Variants in LUZP2 observed in about 807,000 individuals in gnomAD.
LUZP2 encodes leucine zipper protein 2.
LUZP2 carries 52 observed loss-of-function variants against 51.6 expected under a neutral mutation model. The ratio of observed to expected loss-of-function variants is 1.01; its 90% confidence interval spans 0.81 to 1.27. The LOEUF (loss-of-function observed/expected upper bound fraction) is 1.27. Ranked by LOEUF, LUZP2 falls within the 50% of genes most tolerant of loss-of-function variation. The pLI is 0.00. For missense variants in LUZP2, 436 were observed against 395.4 expected, an observed-to-expected ratio of 1.10 and a Z score of -0.87; for synonymous variants, 154 against 137.3, an observed-to-expected ratio of 1.12 and a Z score of -0.85.
intron 1 of LUZP2, among the ~76,000 whole-genome samples, chr11:24,693,967 G>A (rs973715971): frequency 6.6e-6 from 1 of 151,976 alleles, no homozygotes; most frequent in Admixed American, 6.6e-5. Flanking sequence ...TATTTAGGAT[G>A]AGGAAAAAGA....
At chr11:24,734,821 A>T (rs1258508614) in intron 3 of LUZP2, among the ~76,000 whole-genome samples, 1 of 151,920 alleles carries the variant, frequency 6.6e-6, no homozygotes, top group African/African-American at 2.4e-5. Flanking sequence ...TCCGAGTTTG[A>T]AAGAGTGCAG....
intron 9 of LUZP2, among the ~76,000 whole-genome samples, chr11:25,031,958 C>G (rs1004195939): frequency 6.6e-6 from 1 of 151,994 alleles, no homozygotes; most frequent in African/African-American, 2.4e-5. Context: ...AAATAATACC[C>G]TAGATTTTCT....
chr11:24,589,529 G>C (rs1396529160), intron 1 of LUZP2, among the ~76,000 whole-genome samples: 1 of 152,072 alleles, frequency 6.6e-6, no homozygotes, highest in Non-Finnish European at 1.5e-5. Flanking sequence ...TTAGTTTATT[G>C]CTAAGGCAGA....
intron 1 of LUZP2, among the ~76,000 whole-genome samples, chr11:24,618,812 C>A (rs2133901505): frequency 6.6e-6 from 1 of 152,082 alleles, no homozygotes; most frequent in South Asian, 2.1e-4. Context: ...GACCTCTATG[C>A]CAATGTTTTG....
chr11:24,726,094 T>C (rs1858466318), intron 1 of LUZP2, among the ~76,000 whole-genome samples: 1 of 152,148 alleles, frequency 6.6e-6, no homozygotes, highest in Non-Finnish European at 1.5e-5. Flanking sequence ...TACTTTGTTA[T>C]GGAAGCCCTA....
intron 1 of LUZP2, among the ~76,000 whole-genome samples, chr11:24,694,020 A>C (rs1857161330): frequency 6.6e-6 from 1 of 152,074 alleles, no homozygotes; most frequent in Admixed American, 6.6e-5. Context: ...AAAATGCAAA[A>C]TTCAGAGAGC....
chr11:24,770,899 G>T (rs142666354), intron 5 of LUZP2, among the ~76,000 whole-genome samples: 10 of 152,186 alleles, frequency 6.6e-5, no homozygotes, highest in African/African-American at 2.4e-4. Context: ...CACTACCTCC[G>T]CCTGAATCAG....
chr11:24,515,596 A>T (rs2133786962), intron 1 of LUZP2, among the ~76,000 whole-genome samples: 1 of 152,298 alleles, frequency 6.6e-6, no homozygotes, highest in Non-Finnish European at 1.5e-5. Context: ...GTAAGGTGTC[A>T]CAGAAGTAAT....
At chr11:25,075,415 T>C (rs942692112) in intron 10 of LUZP2, among the ~76,000 whole-genome samples, 18 of 152,198 alleles carry the variant, frequency 1.2e-4, no homozygotes, top group African/African-American at 2.4e-5. Flanking sequence ...TTCTAAAGTA[T>C]TGAACTATTT....
intron 7 of LUZP2, among the ~76,000 whole-genome samples, chr11:24,966,877 T>C (rs1264611265): frequency 2.7e-5 from 4 of 147,714 alleles, no homozygotes; most frequent in African/African-American, 9.8e-5. Flanking sequence ...TGTGTGCATG[T>C]GTAAAGTATG....
At chr11:24,923,500 C>T (rs1187650357) in intron 7 of LUZP2, among the ~76,000 whole-genome samples, 1 of 151,928 alleles carries the variant, frequency 6.6e-6, no homozygotes, top group African/African-American at 2.4e-5. Flanking sequence ...AGATTGAGAC[C>T]ATCCTGGTCA....
intron 8 of LUZP2, among the ~76,000 whole-genome samples, chr11:24,982,436 G>C (rs1347654903): frequency 6.6e-6 from 1 of 151,836 alleles, no homozygotes; most frequent in Admixed American, 6.6e-5. Flanking sequence ...CCATAAAAAA[G>C]AATGAGATCA....
At chr11:24,575,912 C>G (rs973836282) in intron 1 of LUZP2, among the ~76,000 whole-genome samples, 1 of 151,994 alleles carries the variant, frequency 6.6e-6, no homozygotes, top group African/African-American at 2.4e-5. Context: ...CCCTGTAATA[C>G]TCTAGAAGTT....
At chr11:24,786,698 T>TGTATATTATGTATTTATGTATAAATAG (rs1849258187) in intron 5 of LUZP2, 1 of 131,182 alleles carries the variant, frequency 7.6e-6, no homozygotes, top group Non-Finnish European at 1.6e-5. Context: ...TATATAAATA[T>TGTATATTATGTATTTATGTATAAATAG]GTATATTATG....
At chr11:24,724,175 C>T (rs2133956609) in intron 1 of LUZP2, among the ~76,000 whole-genome samples, 1 of 152,214 alleles carries the variant, frequency 6.6e-6, no homozygotes. Flanking sequence ...AATGCTGTAT[C>T]TTAATACAGT....
At chr11:25,031,114 C>A (rs751694982) in intron 9 of LUZP2, among the ~76,000 whole-genome samples, 8 of 145,174 alleles carry the variant, frequency 5.5e-5, no homozygotes, top group Non-Finnish European at 1.0e-4. Flanking sequence ...CGAATTCAAG[C>A]GATTCTTTGG....
chr11:24,899,890 G>A (rs994016690), intron 5 of LUZP2, among the ~76,000 whole-genome samples: 17 of 152,112 alleles, frequency 1.1e-4, no homozygotes, highest in African/African-American at 3.9e-4. Flanking sequence ...ATAGAACAAA[G>A]AGAAAACTCA....
chr11:24,765,383 T>G (rs1020199520), intron 5 of LUZP2, among the ~76,000 whole-genome samples: 3 of 152,102 alleles, frequency 2.0e-5, no homozygotes, highest in African/African-American at 7.2e-5. Context: ...AGTGGTTACT[T>G]TTGAGTGAGG....
chr11:24,778,218 T>C (rs533229857), intron 5 of LUZP2, among the ~76,000 whole-genome samples: 21 of 151,996 alleles, frequency 1.4e-4, no homozygotes, highest in African/African-American at 4.3e-4. Flanking sequence ...TTGGGCAACA[T>C]AGTGAGACCT....
Sources: allele counts gnomAD v4.1 joint callset (sites outside exome capture counted in the v4.1 genomes callset), GRCh38; gene constraint gnomAD v4.1.1; transcripts MANE v1.5; gene names NCBI Gene and HGNC (gene_info 2026-07-23, HGNC 2026-07-21).